EFCAB5: variants seen among roughly 807,000 people sequenced by gnomAD.
EFCAB5 encodes the protein EF-hand calcium-binding domain-containing protein 5.
A neutral mutation model predicts 167.9 loss-of-function variants in EFCAB5; 131 were observed. The observed-to-expected ratio is 0.78, with a 90% CI of 0.68 to 0.90. EFCAB5 has a LOEUF of 0.90. Among genes scored for constraint, EFCAB5 ranks in the 40% least tolerant of loss-of-function variants. The pLI, the probability that EFCAB5 is intolerant of heterozygous loss-of-function variation, is 0.00. For missense variants in EFCAB5, 1,663 were observed against 1,745.2 expected (o/e 0.95, Z 0.84); for synonymous variants, 574 against 602.8 (o/e 0.95, Z 0.70).
intron 3 of EFCAB5, among the ~76,000 whole-genome samples, chr17:29,967,095 C>G (rs964704600): frequency 2.0e-5 from 3 of 152,038 alleles, no homozygotes; most frequent in African/African-American, 4.8e-5. Context: ...TGAGGATATT[C>G]TTTTAAAGAC....
chr17:29,990,943 GA>G, intron 4 of EFCAB5, among the ~76,000 whole-genome samples: 2 of 152,302 alleles, frequency 1.3e-5, no homozygotes, highest in South Asian at 4.1e-4. Flanking sequence ...AGGGGGTGCA[GA>G]AGGGTAGGGA....
At chr17:29,988,588 T>C (rs2068340887) in intron 4 of EFCAB5, among the ~76,000 whole-genome samples, 1 of 152,220 alleles carries the variant, frequency 6.6e-6, no homozygotes, top group Admixed American at 6.5e-5. Context: ...ATTTCAAAAA[T>C]TGAAACAGTT....
intron 3 of EFCAB5, among the ~76,000 whole-genome samples, chr17:29,955,376 T>C (rs1441212438): frequency 6.6e-6 from 1 of 152,150 alleles, no homozygotes; most frequent in Non-Finnish European, 1.5e-5. Context: ...CTCATGATAG[T>C]GAATAAATCT....
chr17:30,023,578 T>C (rs1452053838), intron 7 of EFCAB5, among the ~76,000 whole-genome samples: 4 of 152,064 alleles, frequency 2.6e-5, no homozygotes, highest in Non-Finnish European at 5.9e-5. Context: ...CCAGATGGAT[T>C]CGCTGCCGAA....
intron 4 of EFCAB5, among the ~76,000 whole-genome samples, chr17:29,991,148 G>A (rs551598370): frequency 1.2e-4 from 19 of 152,152 alleles, no homozygotes; most frequent in South Asian, 6.2e-4. Context: ...TACTCACCAC[G>A]GGGACTGCTT....
At chr17:30,051,269 G>C in intron 9 of EFCAB5, 52 bp downstream of exon 9, 1 of 1,397,724 alleles carries the variant, frequency 7.2e-7, no homozygotes, top group Non-Finnish European at 1.0e-6. Flanking sequence ...GCAGTGCACT[G>C]ATATGTACTG....
At chr17:30,097,636 A>G (rs1434487966) in intron 22 of EFCAB5, among the ~76,000 whole-genome samples, 1 of 152,156 alleles carries the variant, frequency 6.6e-6, no homozygotes, top group Non-Finnish European at 1.5e-5. Flanking sequence ...CATCCTCCCA[A>G]TGTAGTTATA....
At chr17:30,074,890 A>T (rs2070837820) in intron 14 of EFCAB5, among the ~76,000 whole-genome samples, 1 of 151,790 alleles carries the variant, frequency 6.6e-6, no homozygotes, top group Non-Finnish European at 1.5e-5. Flanking sequence ...TGTGCTCATT[A>T]CTCATGAGTC....
intron 2 of EFCAB5, 139 bp downstream of exon 2, chr17:29,942,441 A>G (rs1360976205): frequency 2.9e-6 from 2 of 689,836 alleles, no homozygotes; most frequent in Admixed American, 3.5e-5. Context: ...ACTCATGTTG[A>G]TTATTAAGCT....
At chr17:30,099,772 T>C (rs2071356104) in intron 22 of EFCAB5, among the ~76,000 whole-genome samples, 1 of 152,102 alleles carries the variant, frequency 6.6e-6, no homozygotes, top group African/African-American at 2.4e-5. Flanking sequence ...TTCCATTCAC[T>C]AGACTGTGTG....
chr17:30,048,674 G>C (rs1434128249), intron 8 of EFCAB5, among the ~76,000 whole-genome samples: 1 of 152,028 alleles, frequency 6.6e-6, no homozygotes, highest in Non-Finnish European at 1.5e-5. Context: ...TTTTAGTAGA[G>C]ATGGGGTTTC....
At chr17:30,069,524 G>A (rs982813881) in intron 14 of EFCAB5, 18 of 1,610,132 alleles carry the variant, frequency 1.1e-5, no homozygotes, top group Middle Eastern at 3.3e-4. Context: ...GGAAGGCAAC[G>A]AAGACATAAG....
chr17:30,005,398 C>A (rs185672724), intron 7 of EFCAB5, among the ~76,000 whole-genome samples: 1 of 152,130 alleles, frequency 6.6e-6, no homozygotes, highest in African/African-American at 2.4e-5. Context: ...TTTGAGATTT[C>A]TGGTGAGATT....
In EFCAB5 at chr17:30,108,012, G is replaced by A; in HGVS notation, c.4500G>A (p.Leu1500=). 6.2e-7 allele frequency: 1 copy of A among 1,606,864 alleles called. No individual in the cohort carries two copies. Among genetic ancestry groups the A allele is most frequent in the Non-Finnish European group, 8.5e-7 (1 of 1,178,082 alleles). Residue 1500 remains leucine (L), a synonymous_variant, in exon 23 of 23, where the codon TTG becomes TTA. Coordinates refer to ENST00000394835, the MANE Select transcript of EFCAB5 (RefSeq NM_198529.4). ...YMYAKMPGEG[L]QEK ...ATGCAAAAATGCCAGGGGAAGGTTT[G>A]CAAGAGAAGTGATAATGGATGATAA...
chr17:29,947,173 A>C (rs1227383950), intron 3 of EFCAB5, among the ~76,000 whole-genome samples: 1 of 142,960 alleles, frequency 7.0e-6, no homozygotes, highest in Non-Finnish European at 1.5e-5. Flanking sequence ...ACTCCATCTC[A>C]AAAAAAAAAA....
chr17:30,059,456 C>A, intron 13 of EFCAB5, 89 bp from the exon 14 acceptor site: 2 of 1,358,912 alleles, frequency 1.5e-6, no homozygotes, highest in Non-Finnish European at 2.0e-6. Flanking sequence ...TAATAGAAGA[C>A]GCTGGACTTT....
chr17:29,946,980 C>T (rs1051122404), intron 3 of EFCAB5, among the ~76,000 whole-genome samples: 3 of 151,934 alleles, frequency 2.0e-5, no homozygotes, highest in Admixed American at 6.6e-5. Context: ...GTCAAGAGAT[C>T]GAGACCATCC....
intron 18 of EFCAB5, among the ~76,000 whole-genome samples, chr17:30,083,856 A>G (rs1258777407): frequency 1.3e-5 from 2 of 152,244 alleles, no homozygotes; most frequent in African/African-American, 4.8e-5. Context: ...TGGAGTGGGA[A>G]GGGACTAGGA....
intron 7 of EFCAB5, among the ~76,000 whole-genome samples, chr17:30,022,433 A>G (rs1399477690): frequency 6.6e-6 from 1 of 152,166 alleles, no homozygotes; most frequent in Admixed American, 6.6e-5. Context: ...GCACGTGCAC[A>G]CAAACACACA....
Sources: gnomAD v4.1 joint callset for allele counts (sites outside exome capture counted in the v4.1 genomes callset) on GRCh38, gnomAD v4.1.1 for gene constraint, MANE v1.5 for transcripts, NCBI Gene and HGNC (gene_info 2026-07-23, HGNC 2026-07-21) for gene names.